Variants in PDLIM5 observed in about 807,000 individuals in gnomAD.
PDLIM5 encodes PDZ and LIM domain protein 5.
A neutral mutation model predicts 64.2 loss-of-function variants in PDLIM5; 34 were observed. The observed-to-expected ratio is 0.53, with a 90% CI of 0.40 to 0.71. The LOEUF is 0.71. PDLIM5 is among the 30% of genes least tolerant of loss of function. PDLIM5 has a pLI of 0.00. For synonymous variants in PDLIM5, 253 were observed against 269.1 expected (o/e 0.94, Z 0.59); for missense variants, 683 against 733.6 (o/e 0.93, Z 0.80).
At position 94,587,847 on chromosome 4, in the gene PDLIM5, T is replaced by C. The variant is rs141657395; in HGVS notation, c.920+1403T>C. On this transcript the variant is annotated intron_variant, in intron 7 of 12. Coordinates refer to ENST00000317968, the MANE Select transcript of PDLIM5 (RefSeq NM_006457.5). Reference sequence around the variant, plus strand: ...TTTCTAGGTATTAACTAATAAGATATGGAAAAGATAGCTTTGCTTTTTTTA... The same window carrying C: ...TTTCTAGGTATTAACTAATAAGATACGGAAAAGATAGCTTTGCTTTTTTTA... 377 of 834,054 alleles carry C rather than the reference T, an allele frequency of 4.5e-4. 2 individuals are homozygous for C. In the African/African-American group the frequency reaches 6.5e-3, roughly 14 times the overall value. The allele number at this position is 834,054 out of a possible 1,614,324, so 51.7% of individuals were successfully genotyped here. A position where few individuals can be genotyped will look rare whatever the true frequency, so the allele number is the denominator to read the frequency against.
At position 94,666,122 on chromosome 4, in the gene PDLIM5, C is replaced by A; in HGVS notation, c.*2055C>A. On this transcript the variant is annotated 3_prime_UTR_variant, in exon 13 of 13. Coordinates refer to ENST00000317968, the MANE Select transcript of PDLIM5 (RefSeq NM_006457.5). ...GACAGAGCCCTAGGTCCTTCCTGCC[C>A]CATCACTCACTTACGACATCACTTC... The A allele has an allele frequency of 2.1e-6, 2 of 935,108 alleles. No homozygotes were observed. Among genetic ancestry groups the A allele is most frequent in the Non-Finnish European group, 3.2e-6 (2 of 621,988 alleles). The allele number at this position is 935,108 out of a possible 1,614,324, so 57.9% of individuals were successfully genotyped here.
At chr4:94,535,837 T>C (rs1206837626) in intron 3 of PDLIM5, among the ~76,000 whole-genome samples, 1 of 8,112 alleles carries the variant, frequency 1.2e-4, no homozygotes, top group Non-Finnish European at 2.1e-4. Context: ...AAGGTCCTCT[T>C]TTTTTTTTTT....
chr4:94,576,900 A>G (rs1402081580), intron 5 of PDLIM5, among the ~76,000 whole-genome samples: 1 of 152,174 alleles, frequency 6.6e-6, no homozygotes, highest in African/African-American at 2.4e-5. Context: ...CTTTCGGTTC[A>G]AATATAATGT....
chr4:94,474,881 C>G (rs867871382), intron 2 of PDLIM5, among the ~76,000 whole-genome samples: 3 of 152,108 alleles, frequency 2.0e-5, no homozygotes, highest in African/African-American at 7.2e-5. Context: ...TGAACTGTTG[C>G]ACTCAGGCTG....
intron 2 of PDLIM5, among the ~76,000 whole-genome samples, chr4:94,474,709 T>C (rs1304823846): frequency 6.6e-6 from 1 of 152,084 alleles, no homozygotes; most frequent in African/African-American, 2.4e-5. Context: ...ACCAAGGCAG[T>C]CAAGATCACA....
At chr4:94,660,126 G>C (rs1560772729) in intron 11 of PDLIM5, among the ~76,000 whole-genome samples, 1 of 150,096 alleles carries the variant, frequency 6.7e-6, no homozygotes, top group Non-Finnish European at 1.5e-5. Flanking sequence ...TAGAACTCCT[G>C]ACCTCAAGTG....
In PDLIM5 at chr4:94,666,868, C is replaced by T. The variant is rs1201240056; in HGVS notation, c.*2801C>T. Reference sequence around the variant, plus strand: ...CCGTGGCGAAGCTTTATATCTGTTCCTAAAACAGTTAATCCTGTGAAATAA... The same window carrying T: ...CCGTGGCGAAGCTTTATATCTGTTCTTAAAACAGTTAATCCTGTGAAATAA... On this transcript the variant is annotated 3_prime_UTR_variant, in exon 13 of 13. Transcript: ENST00000317968. 6.6e-6 allele frequency: 1 copy of T among 152,116 alleles called. No homozygotes were observed. The highest frequency in any genetic ancestry group is 2.4e-5 in the African/African-American group (1 of 41,422). The allele number at this position is 152,116 out of a possible 1,614,324, so 9.4% of individuals were successfully genotyped here. A position where few individuals can be genotyped will look rare whatever the true frequency, so the allele number is the denominator to read the frequency against.
chr4:94,574,916 A>G (rs904512373), intron 4 of PDLIM5, among the ~76,000 whole-genome samples: 2 of 152,010 alleles, frequency 1.3e-5, no homozygotes, highest in Non-Finnish European at 1.5e-5. Flanking sequence ...TCTCTGAATC[A>G]TATCTTAAAA....
At chr4:94,637,613 A>AT (rs1378393082) in intron 8 of PDLIM5, among the ~76,000 whole-genome samples, 3 of 152,238 alleles carry the variant, frequency 2.0e-5, no homozygotes, top group African/African-American at 7.2e-5. Context: ...CAAGTTGAGT[A>AT]TTAAGTAACT....
chr4:94,654,444 C>A lies in PDLIM5; in HGVS notation c.1284-16C>A. On this transcript the variant is annotated splice_polypyrimidine_tract_variant and intron_variant, in intron 9 of 12. Transcript: ENST00000317968. ...TTTTATTCTCAAACTTAGTTGGCCT[C>A]TTTTTCTTCTGTCAGAGGACCATTC... 6.4e-7 allele frequency: 1 copy of A among 1,570,960 alleles called. No individual in the cohort carries two copies. Among genetic ancestry groups the A allele is most frequent in the Non-Finnish European group, 8.7e-7 (1 of 1,143,424 alleles).
intron 7 of PDLIM5, chr4:94,610,940 C>T: frequency 1.6e-6 from 1 of 624,934 alleles, no homozygotes; most frequent in Non-Finnish European, 2.8e-6. Context: ...TGTGCTTCCC[C>T]TCCTTCTTCC....
At chr4:94,534,947 G>A (rs1385977823) in intron 3 of PDLIM5, among the ~76,000 whole-genome samples, 3 of 152,168 alleles carry the variant, frequency 2.0e-5, no homozygotes, top group South Asian at 4.1e-4. Context: ...CCAAGCAAAT[G>A]TTGACCAACT....
At chr4:94,589,839 G>A (rs909093163) in intron 7 of PDLIM5, among the ~76,000 whole-genome samples, 4 of 151,420 alleles carry the variant, frequency 2.6e-5, no homozygotes, top group Non-Finnish European at 4.4e-5. Flanking sequence ...CGATGGTGCG[G>A]TATTGGCTTA....
intron 7 of PDLIM5, among the ~76,000 whole-genome samples, chr4:94,600,442 T>C (rs550548059): frequency 6.6e-6 from 1 of 152,184 alleles, no homozygotes; most frequent in Non-Finnish European, 1.5e-5. Context: ...GGCTGTTCAG[T>C]GGGACACATT....
chr4:94,488,400 T>G, intron 2 of PDLIM5, among the ~76,000 whole-genome samples: 1 of 152,194 alleles, frequency 6.6e-6, no homozygotes, highest in East Asian at 1.9e-4. Flanking sequence ...TCTCCTTTCA[T>G]AGGTGTTAAC....
intron 5 of PDLIM5, chr4:94,579,496 T>C (rs1013526159): frequency 2.4e-6 from 3 of 1,267,522 alleles, no homozygotes; most frequent in Admixed American, 4.3e-5. Flanking sequence ...GGTAGTAATA[T>C]TTTAAAATAC....
At chr4:94,524,593 G>C (rs1488937706) in intron 3 of PDLIM5, among the ~76,000 whole-genome samples, 2 of 151,366 alleles carry the variant, frequency 1.3e-5, no homozygotes, top group African/African-American at 2.4e-5. Context: ...TCATTTGAAG[G>C]CTGGACTTTT....
In PDLIM5 at chr4:94,480,689, A is replaced by G. The variant is rs771581909; in HGVS notation, c.96+25305A>G. 3.7e-4 allele frequency among the ~76,000 whole-genome samples: 56 copies of G among 152,130 alleles called. 1 individual carries two copies. The highest frequency in any genetic ancestry group is 3.4e-3 in the Middle Eastern group (1 of 294). On this transcript the variant is annotated intron_variant, in intron 2 of 12. Transcript: ENST00000317968. ...CTTTCCCCCTCCTTCTACCCTTCAG[A>G]CCTCTGCCATTGCCTTTTATTGGTG... is the stretch of plus-strand genomic sequence containing the variant.
chr4:94,596,330 C>A (rs1000265539), intron 7 of PDLIM5, among the ~76,000 whole-genome samples: 1 of 152,052 alleles, frequency 6.6e-6, no homozygotes, highest in African/African-American at 2.4e-5. Flanking sequence ...CTTTCATAAT[C>A]CCAGAATATT....
Sources: gnomAD v4.1 joint callset for allele counts (sites outside exome capture counted in the v4.1 genomes callset) on GRCh38, gnomAD v4.1.1 for gene constraint, MANE v1.5 for transcripts, NCBI Gene and HGNC (gene_info 2026-07-23, HGNC 2026-07-21) for gene names.